LYPLAL1: variants seen among roughly 807,000 people sequenced by gnomAD.
LYPLAL1 encodes lysophospholipase-like protein 1.
LYPLAL1 carries 23 observed loss-of-function variants against 19.7 expected under a neutral mutation model. That is an observed-to-expected ratio of 1.17 (90% CI 0.84 to 1.65). LYPLAL1 has a LOEUF of 1.65. LYPLAL1 is among the 40% of genes most tolerant of loss of function. The pLI is 0.00. For missense variants in LYPLAL1, 355 were observed against 279.4 expected, an observed-to-expected ratio of 1.27 and a Z score of -1.93; for synonymous variants, 119 against 96.3, an observed-to-expected ratio of 1.24 and a Z score of -1.38.
chr1:219,188,283 T>C (rs1384208288), intron 2 of LYPLAL1, among the ~76,000 whole-genome samples: 2 of 151,746 alleles, frequency 1.3e-5, no homozygotes, highest in Admixed American at 6.6e-5. Flanking sequence ...GTATTAAGAC[T>C]GGGGATAGAG....
In LYPLAL1 at chr1:219,179,289, A is replaced by G. The variant is rs780574034; in HGVS notation, c.191+43A>G. On this transcript the variant is annotated intron_variant, in intron 2 of 4. Transcript: ENST00000366928. Reference sequence around the variant, plus strand: ...TCACTTGTCAATATAACTCTGTGGCATAAAATATATATAGAGAGATGTGCC... The same window carrying G: ...TCACTTGTCAATATAACTCTGTGGCGTAAAATATATATAGAGAGATGTGCC... 3.7e-6 allele frequency: 5 copies of G among 1,346,724 alleles called. No homozygotes were observed. In the Middle Eastern group the frequency reaches 7.2e-4, roughly 194 times the overall value. The allele number at this position is 1,346,724 out of a possible 1,614,324, so 83.4% of individuals were successfully genotyped here.
At chr1:219,250,426 T>C in the LYPLAL1 span, among the ~76,000 whole-genome samples, 1 of 152,010 alleles carries the variant, frequency 6.6e-6, no homozygotes, top group Non-Finnish European at 1.5e-5. Flanking sequence ...CTTGAGGCCT[T>C]GTGGCATAAG....
the LYPLAL1 span, among the ~76,000 whole-genome samples, chr1:219,343,069 C>T: frequency 1.4e-4 from 22 of 152,280 alleles, no homozygotes; most frequent in East Asian, 7.7e-4. Flanking sequence ...AGCCCAAGTC[C>T]GACAACTTAA....
At chr1:219,185,921 C>A (rs1311762762) in intron 2 of LYPLAL1, among the ~76,000 whole-genome samples, 3 of 151,820 alleles carry the variant, frequency 2.0e-5, no homozygotes, top group African/African-American at 7.3e-5. Flanking sequence ...TAAAAGACTG[C>A]TTAGAATCAA....
chr1:219,222,936 T>C, the LYPLAL1 span: 1 of 152,112 alleles, frequency 6.6e-6, no homozygotes, highest in African/African-American at 2.4e-5. Flanking sequence ...CAACTTCTGT[T>C]ATAAGAGCAC....
chr1:219,421,875 C>T, the LYPLAL1 span, among the ~76,000 whole-genome samples: 4 of 152,212 alleles, frequency 2.6e-5, no homozygotes, highest in Admixed American at 6.5e-5. Flanking sequence ...ATTACTTTAA[C>T]GTTTTTTAGG....
chr1:219,295,060 C>T, the LYPLAL1 span, among the ~76,000 whole-genome samples: 1 of 152,168 alleles, frequency 6.6e-6, no homozygotes, highest in African/African-American at 2.4e-5. Flanking sequence ...TGAGTGCCCT[C>T]TTTGGTCCTG....
chr1:219,431,879 G>A, the LYPLAL1 span, among the ~76,000 whole-genome samples: 13 of 152,036 alleles, frequency 8.6e-5, no homozygotes, highest in African/African-American at 2.7e-4. Flanking sequence ...TCCTAATCTC[G>A]CTACCCTCCT....
chr1:219,432,986 A>T, the LYPLAL1 span, among the ~76,000 whole-genome samples: 1 of 152,124 alleles, frequency 6.6e-6, no homozygotes, highest in Non-Finnish European at 1.5e-5. Context: ...AGGCTCAGGA[A>T]AGCTGCCCAG....
At chr1:219,197,485 G>A (rs1657699138) in intron 3 of LYPLAL1, among the ~76,000 whole-genome samples, 2 of 152,138 alleles carry the variant, frequency 1.3e-5, no homozygotes, top group African/African-American at 4.8e-5. Context: ...ACTCAAGATG[G>A]ATTAAAGACT....
the LYPLAL1 span, among the ~76,000 whole-genome samples, chr1:219,262,907 T>C: frequency 1.3e-5 from 2 of 152,208 alleles, 1 homozygote; most frequent in African/African-American, 4.8e-5. Flanking sequence ...GTTTTGTCTT[T>C]CCTTGGAGCA....
intron 2 of LYPLAL1, among the ~76,000 whole-genome samples, chr1:219,184,359 TA>T (rs1194455630): frequency 6.6e-6 from 1 of 151,934 alleles, no homozygotes; most frequent in Non-Finnish European, 1.5e-5. Flanking sequence ...TTTAGTTTTT[TA>T]TTATGTCCTT....
intron 2 of LYPLAL1, among the ~76,000 whole-genome samples, chr1:219,185,061 TA>T (rs1422002289): frequency 6.6e-6 from 1 of 151,938 alleles, no homozygotes; most frequent in African/African-American, 2.4e-5. Flanking sequence ...AAGGTTTTGA[TA>T]ATGAATTCAA....
At chr1:219,196,204 G>C (rs898721044) in intron 3 of LYPLAL1, among the ~76,000 whole-genome samples, 1 of 152,100 alleles carries the variant, frequency 6.6e-6, no homozygotes, top group Non-Finnish European at 1.5e-5. Flanking sequence ...TAATGAAATT[G>C]CTGGGTCAGA....
the LYPLAL1 span, among the ~76,000 whole-genome samples, chr1:219,371,416 C>G: frequency 2.0e-5 from 3 of 152,150 alleles, no homozygotes; most frequent in Non-Finnish European, 4.4e-5. Flanking sequence ...TTTCTGTGAA[C>G]AAGACAGAGT....
At chr1:219,432,391 T>C in the LYPLAL1 span, among the ~76,000 whole-genome samples, 1 of 151,500 alleles carries the variant, frequency 6.6e-6, no homozygotes, top group Non-Finnish European at 1.5e-5. Context: ...ATTCAGAAGG[T>C]AAGTGGAAAG....
At chr1:219,262,051 CT>C in the LYPLAL1 span, among the ~76,000 whole-genome samples, 1 of 151,900 alleles carries the variant, frequency 6.6e-6, no homozygotes, top group Non-Finnish European at 1.5e-5. Context: ...TTTTTTTGTT[CT>C]TTCTTATTTG....
At chr1:219,189,995 A>G (rs1345426919) in intron 2 of LYPLAL1, among the ~76,000 whole-genome samples, 1 of 151,634 alleles carries the variant, frequency 6.6e-6, no homozygotes, top group Non-Finnish European at 1.5e-5. Context: ...TAAAACCACT[A>G]TAATATGATT....
the LYPLAL1 span, among the ~76,000 whole-genome samples, chr1:219,386,738 T>G: frequency 6.6e-6 from 1 of 152,202 alleles, no homozygotes; most frequent in Non-Finnish European, 1.5e-5. Flanking sequence ...TTAACCCAAA[T>G]CTGCCCCCTT....
Sources: gnomAD v4.1 joint callset for allele counts (sites outside exome capture counted in the v4.1 genomes callset) on GRCh38, gnomAD v4.1.1 for gene constraint, MANE v1.5 for transcripts, NCBI Gene and HGNC (gene_info 2026-07-23, HGNC 2026-07-21) for gene names.